The following GRIA4 variants were observed in gnomAD, a reference collection of about 807,000 sequenced individuals.
GRIA4 encodes glutamate receptor 4.
A neutral mutation model predicts 104.0 loss-of-function variants in GRIA4; 34 were observed. The ratio of observed to expected loss-of-function variants is 0.33; its 90% CI spans 0.25 to 0.44. The LOEUF is 0.44. Ranked by LOEUF, GRIA4 falls within the 20% of genes least tolerant of loss-of-function variation. GRIA4 has a pLI of 1.00. For synonymous variants in GRIA4, 386 were observed against 381.9 expected, an observed-to-expected ratio of 1.01 and a Z score of -0.13; for missense variants, 750 against 1,096.5, an observed-to-expected ratio of 0.68 and a Z score of 4.46.
chr11:105,864,280 C>A (rs1416632686), intron 5 of GRIA4, among the ~76,000 whole-genome samples: 2 of 152,148 alleles, frequency 1.3e-5, no homozygotes, highest in Non-Finnish European at 2.9e-5. Flanking sequence ...AATGAAACAA[C>A]TTTCAATGTT....
chr11:105,939,033 A>G (rs971044866), intron 14 of GRIA4, among the ~76,000 whole-genome samples: 3 of 152,156 alleles, frequency 2.0e-5, no homozygotes, highest in African/African-American at 7.2e-5. Context: ...GAAGGAAACA[A>G]ACGTTGCTTT....
chr11:105,851,408 C>T (rs1174288038), intron 4 of GRIA4, among the ~76,000 whole-genome samples: 2 of 152,170 alleles, frequency 1.3e-5, no homozygotes, highest in Non-Finnish European at 2.9e-5. Flanking sequence ...ATACTTAATA[C>T]TTTCCAAAGT....
intron 4 of GRIA4, among the ~76,000 whole-genome samples, chr11:105,756,802 T>C (rs986518264): frequency 6.6e-6 from 1 of 152,098 alleles, no homozygotes; most frequent in Non-Finnish European, 1.5e-5. Flanking sequence ...TTTTTATCAG[T>C]CATCCAAATA....
At position 105,794,510 on chromosome 11, in the gene GRIA4, T is replaced by TATATATATAC. The variant is rs1555010377; in HGVS notation, c.487+41293_487+41294insTATATACATA. 2.1e-4 allele frequency among the ~76,000 whole-genome samples: 25 copies of TATATATATAC among 121,648 alleles called. 1 individual carries two copies. The highest frequency in any genetic ancestry group is 6.5e-4 in the African/African-American group (20 of 30,720). 79.8% of individuals were successfully genotyped at this position (121,648 alleles called of 152,430 possible). ...ATATATATATATATATATATATATA[T>TATATATATAC]ATACATATACACACACACACATATC... On this transcript the variant is annotated intron_variant, in intron 4 of 16. Transcript: ENST00000282499.
intron 3 of GRIA4, among the ~76,000 whole-genome samples, chr11:105,657,051 G>A (rs1409213489): frequency 1.4e-5 from 2 of 140,748 alleles, no homozygotes; most frequent in African/African-American, 2.6e-5. Context: ...AAAAAAAAGG[G>A]TTAAACCAAT....
chr11:105,868,090 A>G (rs898663114), intron 5 of GRIA4, among the ~76,000 whole-genome samples: 13 of 152,200 alleles, frequency 8.5e-5, no homozygotes, highest in African/African-American at 3.1e-4. Flanking sequence ...AGAAACAGAG[A>G]TATTACAAAA....
At chr11:105,919,056 C>A (rs902687352) in intron 11 of GRIA4, 138 bp downstream of exon 11, 1 of 592,340 alleles carries the variant, frequency 1.7e-6, no homozygotes, top group Non-Finnish European at 3.0e-6. Context: ...GTGTTTAAAT[C>A]TTTCTCTATT....
chr11:105,756,624 G>GAA (rs199560316), intron 4 of GRIA4, among the ~76,000 whole-genome samples: 1 of 140,578 alleles, frequency 7.1e-6, no homozygotes, highest in African/African-American at 2.6e-5. Context: ...TAATAACTCA[G>GAA]AAAAAAAAAA....
chr11:105,949,982 T>C (rs1304500419), intron 14 of GRIA4, among the ~76,000 whole-genome samples: 2 of 152,202 alleles, frequency 1.3e-5, no homozygotes, highest in African/African-American at 4.8e-5. Context: ...AATTCTACCA[T>C]ACGGGATTGT....
At chr11:105,774,025 G>C (rs1268233127) in intron 4 of GRIA4, among the ~76,000 whole-genome samples, 1 of 151,442 alleles carries the variant, frequency 6.6e-6, no homozygotes, top group Non-Finnish European at 1.5e-5. Flanking sequence ...AAATTTTTTT[G>C]TATATGTTTT....
intron 4 of GRIA4, among the ~76,000 whole-genome samples, chr11:105,779,347 G>C (rs1413748193): frequency 1.3e-5 from 2 of 152,060 alleles, no homozygotes; most frequent in Non-Finnish European, 2.9e-5. Context: ...TCAATATCGT[G>C]AAAATGGCCA....
chr11:105,774,699 TA>T (rs890154098), intron 4 of GRIA4, among the ~76,000 whole-genome samples: 3 of 152,060 alleles, frequency 2.0e-5, no homozygotes, highest in Admixed American at 2.0e-4. Context: ...TAAAAGAGAA[TA>T]AAGAAATGAA....
intron 11 of GRIA4, among the ~76,000 whole-genome samples, chr11:105,920,388 T>C (rs1213113676): frequency 1.3e-5 from 2 of 152,200 alleles, no homozygotes; most frequent in Non-Finnish European, 2.9e-5. Flanking sequence ...ATCGAAGTTG[T>C]TGGAACTACT....
At chr11:105,717,711 T>TTTTA (rs1954144298) in intron 3 of GRIA4, among the ~76,000 whole-genome samples, 1 of 152,024 alleles carries the variant, frequency 6.6e-6, no homozygotes, top group Non-Finnish European at 1.5e-5. Context: ...TTTTCTTTTT[T>TTTTA]TTTATTTATT....
intron 16 of GRIA4, among the ~76,000 whole-genome samples, chr11:105,975,113 C>T (rs1858909316): frequency 6.6e-6 from 1 of 152,018 alleles, no homozygotes; most frequent in Non-Finnish European, 1.5e-5. Flanking sequence ...ACATGAAATC[C>T]CACTTTTTAT....
chr11:105,652,212 A>G (rs1951704101), intron 3 of GRIA4, among the ~76,000 whole-genome samples: 1 of 152,190 alleles, frequency 6.6e-6, no homozygotes. Flanking sequence ...GATATAAAAC[A>G]TAATTAGGTT....
chr11:105,905,567 A>G (rs1378409832), intron 9 of GRIA4, among the ~76,000 whole-genome samples: 3 of 152,178 alleles, frequency 2.0e-5, no homozygotes, highest in African/African-American at 7.2e-5. Flanking sequence ...GGGTGGGGTT[A>G]GCAAAAAGAA....
chr11:105,913,030 C>T, intron 10 of GRIA4: 1 of 926,464 alleles, frequency 1.1e-6, no homozygotes, highest in Non-Finnish European at 1.3e-6. Context: ...AGTTGTCTGT[C>T]CTTTGTGTAT....
intron 4 of GRIA4, among the ~76,000 whole-genome samples, chr11:105,762,118 G>A (rs772831257): frequency 2.6e-5 from 4 of 151,498 alleles, no homozygotes; most frequent in Non-Finnish European, 4.4e-5. Flanking sequence ...CTGTCTCCCA[G>A]CTTTAAGCGA....
Sources: gnomAD v4.1 joint callset for allele counts (sites outside exome capture counted in the v4.1 genomes callset) on GRCh38, gnomAD v4.1.1 for gene constraint, MANE v1.5 for transcripts, NCBI Gene and HGNC (gene_info 2026-07-23, HGNC 2026-07-21) for gene names.